CEMIP2: variants seen among roughly 807,000 people sequenced by gnomAD.
CEMIP2 encodes cell migration inducing hyaluronidase 2.
In CEMIP2, 79 loss-of-function variants were observed where a neutral mutation model predicts 146.9. The ratio of observed to expected loss-of-function variants is 0.54; its 90% confidence interval spans 0.45 to 0.65. The LOEUF is 0.65. CEMIP2 is among the 30% of genes least tolerant of loss of function. The pLI is 0.00. For synonymous variants in CEMIP2, 601 were observed against 606.3 expected, an observed-to-expected ratio of 0.99 and a Z score of 0.13; for missense variants, 1,596 against 1,696.2, an observed-to-expected ratio of 0.94 and a Z score of 1.04.
At chr9:71,723,355 TAAA>T (rs34835433) in intron 11 of CEMIP2, among the ~76,000 whole-genome samples, 3 of 144,600 alleles carry the variant, frequency 2.1e-5, no homozygotes, top group Non-Finnish European at 3.0e-5. Context: ...AAAGAGAATT[TAAA>T]AAAAAAAAAA....
intron 7 of CEMIP2, among the ~76,000 whole-genome samples, chr9:71,731,377 T>C (rs1042765716): frequency 6.6e-6 from 1 of 152,178 alleles, no homozygotes; most frequent in East Asian, 1.9e-4. Flanking sequence ...TCTCAATATA[T>C]TTAAACACTA....
chr9:71,707,237 T>C (rs925427074), intron 17 of CEMIP2, among the ~76,000 whole-genome samples: 76 of 152,144 alleles, frequency 5.0e-4, no homozygotes, highest in African/African-American at 1.8e-3. Flanking sequence ...ATAAGATAAA[T>C]GGAAAAAATA....
chr9:71,735,001 CAAAAAAA>C lies in CEMIP2; in HGVS notation c.1205-14_1205-8del, dbSNP rs71353514. 4.8e-6 allele frequency: 7 copies of C among 1,470,158 alleles called. No individual in the cohort carries two copies. In the East Asian group the frequency reaches 1.2e-4, roughly 25 times the overall value. 91.1% of individuals were successfully genotyped at this position (1,470,158 alleles called of 1,614,324 possible). On this transcript the variant is annotated splice_region_variant and splice_polypyrimidine_tract_variant and intron_variant, in intron 5 of 23. Coordinates refer to ENST00000377044, the MANE Select transcript of CEMIP2 (RefSeq NM_013390.3). ...AATCCTGAAAGAGAAACGCCTAAACCAAAAAAAAAAAAAAGAAAAAGAAAGTGATACA... is the reference window on the plus strand; with the variant it reads ...AATCCTGAAAGAGAAACGCCTAAACCAAAAAAAGAAAAAGAAAGTGATACA...
intron 12 of CEMIP2, among the ~76,000 whole-genome samples, chr9:71,719,942 G>A (rs964444569): frequency 1.3e-4 from 20 of 148,918 alleles, no homozygotes; most frequent in Middle Eastern, 3.6e-3. Flanking sequence ...AATCAATCAC[G>A]ACACCCCCAC....
intron 13 of CEMIP2, among the ~76,000 whole-genome samples, chr9:71,717,588 G>A (rs1823101230): frequency 6.6e-6 from 1 of 152,198 alleles, no homozygotes; most frequent in South Asian, 2.1e-4. Context: ...GGCAATAGAA[G>A]AGCATCAGAA....
At chr9:71,711,092 G>GC (rs1418707143) in intron 16 of CEMIP2, among the ~76,000 whole-genome samples, 4 of 152,172 alleles carry the variant, frequency 2.6e-5, no homozygotes, top group Admixed American at 1.3e-4. Context: ...CATGGAACTG[G>GC]CAAGATGATG....
intron 18 of CEMIP2, among the ~76,000 whole-genome samples, chr9:71,701,605 T>C (rs1319231496): frequency 2.0e-5 from 3 of 152,170 alleles, no homozygotes; most frequent in African/African-American, 7.2e-5. Context: ...AATTTTACCT[T>C]TTATAAATGT....
intron 1 of CEMIP2, among the ~76,000 whole-genome samples, chr9:71,753,649 C>CA (rs1171825210): frequency 6.6e-6 from 1 of 151,646 alleles, no homozygotes; most frequent in Non-Finnish European, 1.5e-5. Flanking sequence ...ATAAAATAAC[C>CA]AAAAAAATCA....
intron 4 of CEMIP2, among the ~76,000 whole-genome samples, chr9:71,743,573 C>G (rs1424996966): frequency 6.6e-6 from 1 of 152,160 alleles, no homozygotes; most frequent in African/African-American, 2.4e-5. Context: ...TGTACTGATT[C>G]ACTAGGCCAA....
Position 71,722,415 on chromosome 9 carries a change from A to T in CEMIP2, c.2267+12T>A. 1 of 1,603,304 alleles carries T rather than the reference A, an allele frequency of 6.2e-7. No homozygotes were observed. Among genetic ancestry groups the T allele is most frequent in the Non-Finnish European group, 8.5e-7 (1 of 1,175,622 alleles). On this transcript the variant is annotated intron_variant, in intron 12 of 23. Coordinates refer to ENST00000377044, the MANE Select transcript of CEMIP2 (RefSeq NM_013390.3). ...GTATAGCTTGAGTGTGACTTAAAAG[A>T]GCCAGCTTTACCTTGCACTATTGTC...
At position 71,752,808 on chromosome 9, in the gene CEMIP2, G is replaced by A. The variant is rs545528131; in HGVS notation, c.-12-2423C>T. 2.0e-4 allele frequency among the ~76,000 whole-genome samples: 30 copies of A among 152,196 alleles called. No homozygotes were observed. The East Asian group carries it at 2.7e-3, about 14-fold the overall frequency. ...AACAAGCAATTCCCAGGACCCAAAC[G>A]ACCTGGAAATTAATGGGGGCAGAAA... On this transcript the variant is annotated intron_variant, in intron 1 of 23. Coordinates refer to ENST00000377044, the MANE Select transcript of CEMIP2 (RefSeq NM_013390.3).
chr9:71,732,065 T>G lies in CEMIP2; in HGVS notation c.1563+286A>C, dbSNP rs112605591. Among the ~76,000 whole-genome samples, 641 of 152,312 alleles carry G rather than the reference T, an allele frequency of 4.2e-3. 1 individual carries two copies. Among genetic ancestry groups the G allele is most frequent in the African/African-American group, 0.015 (618 of 41,574 alleles). On this transcript the variant is annotated intron_variant, in intron 7 of 23. Transcript: ENST00000377044. ...ATACCAACCAAGAGCCTTCAGTTTT[T>G]TTTTGTTTTGTTTTGTTTTTTGGTC... is the stretch of plus-strand genomic sequence containing the variant.
At chr9:71,711,961 G>T in intron 16 of CEMIP2, 122 bp downstream of exon 16, 1 of 1,031,350 alleles carries the variant, frequency 9.7e-7, no homozygotes, top group Non-Finnish European at 1.4e-6. Context: ...CTGGCTCTGT[G>T]TGTATGTCTC....
intron 1 of CEMIP2, among the ~76,000 whole-genome samples, chr9:71,764,365 T>C (rs1460625791): frequency 2.0e-5 from 3 of 151,688 alleles, no homozygotes; most frequent in Non-Finnish European, 4.4e-5. Context: ...ATCATTAAAC[T>C]AATTAAATTG....
At chr9:71,755,346 TACACACACAC>T (rs34581447) in intron 1 of CEMIP2, among the ~76,000 whole-genome samples, 6 of 134,912 alleles carry the variant, frequency 4.4e-5, no homozygotes, top group African/African-American at 1.4e-4. Flanking sequence ...ACCCTGTCTC[TACACACACAC>T]ACACACACAC....
upstream of CEMIP2, chr9:71,768,992 C>G (rs1169471481): frequency 1.3e-5 from 2 of 152,168 alleles, no homozygotes; most frequent in Non-Finnish European, 2.9e-5. Flanking sequence ...CCGGCCCCTC[C>G]CGCCGGCCCC....
chr9:71,734,859 T>A lies in CEMIP2; in HGVS notation c.1340A>T (p.Glu447Val). Residue 447 changes from glutamate to valine, a missense_variant, in exon 6 of 24, where the codon GAG (glutamate) becomes GTG (valine). Coordinates refer to ENST00000377044, the MANE Select transcript of CEMIP2 (RefSeq NM_013390.3). ...STDYSMYQAEEFTLLPCSECS... is the reference protein window; with the variant it reads ...STDYSMYQAEVFTLLPCSECS... ...TTCAGAACAGGGAAGAAGAGTGAAC[T>A]CCTCTGCTTGGTACATGGAATAGTC... 6.2e-7 allele frequency: 1 copy of A among 1,613,938 alleles called. No individual in the cohort carries two copies. Among genetic ancestry groups the A allele is most frequent in the South Asian group, 1.1e-5 (1 of 91,054 alleles).
intron 12 of CEMIP2, among the ~76,000 whole-genome samples, chr9:71,719,105 T>A (rs971746924): frequency 1.3e-5 from 2 of 152,152 alleles, no homozygotes; most frequent in African/African-American, 4.8e-5. Context: ...TTTTTTTTAA[T>A]CATTTCTGTC....
At chr9:71,759,714 T>C (rs1824567746) in intron 1 of CEMIP2, among the ~76,000 whole-genome samples, 1 of 152,058 alleles carries the variant, frequency 6.6e-6, no homozygotes, top group Non-Finnish European at 1.5e-5. Flanking sequence ...AGTCTTTATC[T>C]TGAATAGGGC....
Sources: allele counts gnomAD v4.1 joint callset (sites outside exome capture counted in the v4.1 genomes callset), GRCh38; gene constraint gnomAD v4.1.1; transcripts MANE v1.5; gene names NCBI Gene and HGNC (gene_info 2026-07-23, HGNC 2026-07-21).